Variants in GHR observed in about 807,000 individuals in gnomAD.
The protein encoded by GHR is growth hormone receptor, also known as GH receptor.
GHR carries 35 observed loss-of-function variants against 67.1 expected under a neutral mutation model. The observed-to-expected ratio is 0.52, with a 90% CI of 0.40 to 0.69. The LOEUF (loss-of-function observed/expected upper bound fraction) is 0.69. Ranked by LOEUF, GHR falls within the 30% of genes least tolerant of loss-of-function variation. The probability of loss-of-function intolerance (pLI) is 0.00; values close to 1 mark genes in which losing one functional copy is unlikely to be tolerated. For synonymous variants in GHR, 272 were observed against 269.1 expected (o/e 1.01, Z -0.10); for missense variants, 792 against 764.6 (o/e 1.04, Z -0.42).
intron 4 of GHR, among the ~76,000 whole-genome samples, chr5:42,689,246 G>A (rs1178116556): frequency 6.6e-6 from 1 of 152,120 alleles, no homozygotes; most frequent in Non-Finnish European, 1.5e-5. Flanking sequence ...AAAATCCCTG[G>A]TCTCATGGAG....
chr5:42,513,782 C>CAA (rs764901525), intron 1 of GHR, among the ~76,000 whole-genome samples: 40 of 133,472 alleles, frequency 3.0e-4, no homozygotes, highest in African/African-American at 8.9e-4. Flanking sequence ...AACTCCGTCT[C>CAA]AAAAAAAAAA....
At chr5:42,583,481 A>G (rs1025970079) in intron 2 of GHR, among the ~76,000 whole-genome samples, 2 of 152,196 alleles carry the variant, frequency 1.3e-5, no homozygotes. Flanking sequence ...CAAGCAGCAA[A>G]ATATTTAACT....
At chr5:42,474,398 T>A (rs985911676) in intron 1 of GHR, among the ~76,000 whole-genome samples, 2 of 151,942 alleles carry the variant, frequency 1.3e-5, no homozygotes, top group African/African-American at 4.8e-5. Flanking sequence ...CAAAGGCCCC[T>A]CTTCTGATTG....
rs1755717660 is a variant in GHR at position 42,662,743 on chromosome 5, A to C, written c.137-26147A>C. Among the ~76,000 whole-genome samples the C allele has an allele frequency of 2.6e-5, 4 of 152,212 alleles. No individual in the cohort carries two copies. The South Asian group carries it at 6.2e-4, about 24-fold the overall frequency. On this transcript the variant is annotated intron_variant, in intron 3 of 9. Coordinates refer to ENST00000230882, the MANE Select transcript of GHR (RefSeq NM_000163.5). The stretch of plus-strand genomic sequence containing the variant: ...ATTCAAAAGCTAGGAGAAGGCAAGA[A>C]ATAACTAAGATCAGAGCAGAACTGA...
chr5:42,464,055 C>CAA (rs71608649), intron 1 of GHR, among the ~76,000 whole-genome samples: 27,978 of 123,486 alleles, frequency 0.23, 3,273 homozygotes, highest in Middle Eastern at 0.29. Context: ...TTGATATTAC[C>CAA]AAAAAAAAAA....
chr5:42,703,364 A>G (rs11953128), intron 6 of GHR, among the ~76,000 whole-genome samples: 1 of 152,186 alleles, frequency 6.6e-6, no homozygotes, highest in Non-Finnish European at 1.5e-5. Context: ...AATTTACTGT[A>G]AATGTGTGGA....
intron 1 of GHR, among the ~76,000 whole-genome samples, chr5:42,451,526 G>T (rs1204783560): frequency 6.6e-6 from 1 of 151,770 alleles, no homozygotes; most frequent in East Asian, 1.9e-4. Context: ...CAGATCACAA[G>T]GTCAGGAGTT....
intron 3 of GHR, among the ~76,000 whole-genome samples, chr5:42,650,333 C>T (rs547098184): frequency 9.2e-5 from 14 of 151,968 alleles, no homozygotes; most frequent in Admixed American, 2.6e-4. Flanking sequence ...CAAGCAAGGA[C>T]AGGAAAATGC....
chr5:42,665,530 G>T (rs1755914381), intron 3 of GHR, among the ~76,000 whole-genome samples: 1 of 151,868 alleles, frequency 6.6e-6, no homozygotes, highest in South Asian at 2.1e-4. Context: ...CTCACTCATA[G>T]GTGGGAATTG....
intron 2 of GHR, among the ~76,000 whole-genome samples, chr5:42,625,089 T>C (rs1309316067): frequency 6.6e-6 from 1 of 152,088 alleles, no homozygotes. Context: ...CTTTCACAGC[T>C]GAAAGGCTGC....
At chr5:42,618,174 A>G (rs1301385979) in intron 2 of GHR, among the ~76,000 whole-genome samples, 1 of 152,120 alleles carries the variant, frequency 6.6e-6, no homozygotes, top group Non-Finnish European at 1.5e-5. Context: ...CACCATATCC[A>G]TCTACATTTG....
At chr5:42,435,828 T>G (rs1743299579) in intron 1 of GHR, among the ~76,000 whole-genome samples, 1 of 152,222 alleles carries the variant, frequency 6.6e-6, no homozygotes, top group Non-Finnish European at 1.5e-5. Flanking sequence ...GTGTTAAACT[T>G]ACCGGCCTTT....
intron 3 of GHR, among the ~76,000 whole-genome samples, chr5:42,680,259 T>A (rs1756792217): frequency 2.0e-5 from 3 of 152,194 alleles, no homozygotes; most frequent in Admixed American, 2.0e-4. Context: ...TGACAATAAG[T>A]ATTTCCTCAC....
At chr5:42,441,875 G>A (rs1743595016) in intron 1 of GHR, among the ~76,000 whole-genome samples, 1 of 152,154 alleles carries the variant, frequency 6.6e-6, no homozygotes. Flanking sequence ...AGACCAGTGG[G>A]GAGGATCAGG....
At chr5:42,500,633 CT>C (rs1409150850) in intron 1 of GHR, among the ~76,000 whole-genome samples, 1 of 152,122 alleles carries the variant, frequency 6.6e-6, no homozygotes, top group African/African-American at 2.4e-5. Flanking sequence ...CATGTCAGAC[CT>C]TCATGATTAT....
At chr5:42,653,114 T>C (rs749243781) in intron 3 of GHR, among the ~76,000 whole-genome samples, 4 of 152,146 alleles carry the variant, frequency 2.6e-5, no homozygotes, top group Non-Finnish European at 5.9e-5. Flanking sequence ...CAGATCATAG[T>C]GCCCAATAAA....
intron 3 of GHR, among the ~76,000 whole-genome samples, chr5:42,664,601 G>T (rs1027603893): frequency 2.0e-5 from 3 of 152,170 alleles, no homozygotes; most frequent in Non-Finnish European, 4.4e-5. Context: ...ATTCAAGATG[G>T]AGTAAAGACT....
At chr5:42,459,529 A>C (rs942192832) in intron 1 of GHR, among the ~76,000 whole-genome samples, 2 of 152,124 alleles carry the variant, frequency 1.3e-5, no homozygotes, top group Non-Finnish European at 2.9e-5. Context: ...GAGGGAGGGA[A>C]GAGGATGAGG....
At chr5:42,470,630 T>C (rs1178580922) in intron 1 of GHR, among the ~76,000 whole-genome samples, 1 of 152,162 alleles carries the variant, frequency 6.6e-6, no homozygotes, top group Admixed American at 6.5e-5. Flanking sequence ...ATCCTTCCAA[T>C]AGTAAATTTT....
Sources: gnomAD v4.1 joint callset for allele counts (sites outside exome capture counted in the v4.1 genomes callset) on GRCh38, gnomAD v4.1.1 for gene constraint, MANE v1.5 for transcripts, NCBI Gene and HGNC (gene_info 2026-07-23, HGNC 2026-07-21) for gene names.